OIT3: variants seen among roughly 807,000 people sequenced by gnomAD.
The protein encoded by OIT3 is oncoprotein-induced transcript 3 protein.
OIT3 carries 41 observed loss-of-function variants against 52.2 expected under a neutral mutation model. The observed-to-expected ratio is 0.79, with a 90% CI of 0.61 to 1.02. The LOEUF (loss-of-function observed/expected upper bound fraction) is 1.02, where lower values mean the gene tolerates loss of function less well. OIT3 is among the 50% of genes least tolerant of loss of function. OIT3 has a pLI of 0.00. For missense variants in OIT3, 634 were observed against 715.5 expected, an observed-to-expected ratio of 0.89 and a Z score of 1.30; for synonymous variants, 244 against 276.9, an observed-to-expected ratio of 0.88 and a Z score of 1.18.
At position 72,898,666 on chromosome 10, in the gene OIT3, CT is replaced by C; in HGVS notation, c.65del (p.Leu22GlnfsTer10). 6.2e-7 allele frequency: 1 copy of C among 1,602,252 alleles called. No individual in the cohort carries two copies. Among genetic ancestry groups the C allele is most frequent in the Non-Finnish European group, 8.5e-7 (1 of 1,170,520 alleles). On this transcript the variant is annotated frameshift_variant, in exon 2 of 9. Transcript: ENST00000334011. LOFTEE classifies it high-confidence loss of function. Reference sequence around the variant, plus strand: ...TGAGGTATCTTTTTCATTTCCAGCCCTAGATCCTTGTTCTGCTTACATCAGC... The same window carrying C: ...TGAGGTATCTTTTTCATTTCCAGCCCAGATCCTTGTTCTGCTTACATCAGC... Reference protein sequence around the residue: ...ITGTSVSPVALDPCSAYISLN... With the variant: ...ITGTSVSPVAXDPCSAYISLN...
intron 2 of OIT3, 50 bp downstream of exon 2, chr10:72,899,088 G>A: frequency 6.5e-7 from 1 of 1,532,658 alleles, no homozygotes; most frequent in African/African-American, 1.4e-5. Context: ...GCCACAGGTG[G>A]AGTCCAAAAG....
chr10:72,923,383 C>T (rs1011262916), intron 6 of OIT3, among the ~76,000 whole-genome samples: 1 of 152,146 alleles, frequency 6.6e-6, no homozygotes, highest in Non-Finnish European at 1.5e-5. Context: ...CCTTAACATA[C>T]CTGTAGATGG....
Position 72,906,630 on chromosome 10 carries a change from C to T in OIT3, c.579C>T (p.Cys193=), listed in dbSNP as rs1258853989. 1 of 1,613,750 alleles carries T rather than the reference C, an allele frequency of 6.2e-7. No homozygotes were observed. The highest frequency in any genetic ancestry group is 8.5e-7 in the Non-Finnish European group (1 of 1,179,772). The change falls in exon 4 of 9, where the codon TGC becomes TGT. Residue 193 remains cysteine, a synonymous_variant. Transcript: ENST00000334011. ...AATGTGAGCAAAACAACGGTGGCTG[C>T]AGTGAGATCTGTGTGAACCTCAAAA... is the stretch of plus-strand genomic sequence containing the variant. ...ENECEQNNGG[C]SEICVNLKNS... is the part of the protein sequence containing the mutation.
chr10:72,931,369 T>C (rs1355823189), intron 8 of OIT3, among the ~76,000 whole-genome samples: 1 of 152,174 alleles, frequency 6.6e-6, no homozygotes, highest in African/African-American at 2.4e-5. Context: ...CACACACCTG[T>C]AGTCCTAGCT....
chr10:72,923,813 C>T (rs895934501), intron 6 of OIT3, among the ~76,000 whole-genome samples: 2 of 152,202 alleles, frequency 1.3e-5, no homozygotes, highest in African/African-American at 4.8e-5. Context: ...ACAGTTTGGA[C>T]ACCCCACAGG....
intron 2 of OIT3, 106 bp downstream of exon 2, chr10:72,899,144 C>G: frequency 3.1e-6 from 3 of 979,164 alleles, no homozygotes; most frequent in Non-Finnish European, 4.6e-6. Context: ...ATATCTCAAT[C>G]TGAACAACAT....
In OIT3 at chr10:72,898,120, CA is replaced by C. The variant is rs59034984; in HGVS notation, c.62-527del. 8.1e-3 allele frequency among the ~76,000 whole-genome samples: 1,075 copies of C among 132,460 alleles called. 2 individuals are homozygous for C. Among genetic ancestry groups the C allele is most frequent in the African/African-American group, 0.013 (483 of 36,268 alleles). The allele number at this position is 132,460 out of a possible 152,430, so 86.9% of individuals were successfully genotyped here. A position where few individuals can be genotyped will look rare whatever the true frequency, so the allele number is the denominator to read the frequency against. Reference sequence around the variant, plus strand: ...CAAGATGCCAAAACCCTATCTCTACCAAAAAAAAAAAAAAAAATTAGCCAGG... The same window carrying C: ...CAAGATGCCAAAACCCTATCTCTACCAAAAAAAAAAAAAAAATTAGCCAGG... On this transcript the variant is annotated intron_variant, in intron 1 of 8. Transcript: ENST00000334011.
intron 4 of OIT3, among the ~76,000 whole-genome samples, chr10:72,908,691 G>A (rs985098171): frequency 1.6e-4 from 24 of 152,076 alleles, no homozygotes; most frequent in African/African-American, 5.1e-4. Context: ...AAAAACATTT[G>A]TAATTATTTA....
intron 6 of OIT3, among the ~76,000 whole-genome samples, chr10:72,916,702 C>T (rs1244049443): frequency 3.3e-5 from 5 of 152,112 alleles, no homozygotes; most frequent in Admixed American, 3.3e-4. Flanking sequence ...CCAGTAATGG[C>T]ATTGCTAGGT....
intron 1 of OIT3, 60 bp downstream of exon 1, chr10:72,893,919 T>G (rs1845851781): frequency 4.0e-6 from 5 of 1,245,370 alleles, no homozygotes; most frequent in Admixed American, 4.1e-5. Flanking sequence ...TTTGCTATAA[T>G]GTACAGATGA....
At chr10:72,908,179 G>T (rs1845997238) in intron 4 of OIT3, among the ~76,000 whole-genome samples, 1 of 152,096 alleles carries the variant, frequency 6.6e-6, no homozygotes, top group Admixed American at 6.6e-5. Flanking sequence ...GGAGGTGGAG[G>T]TTGCAGTGAG....
chr10:72,899,312 T>C (rs1016859308), intron 2 of OIT3, among the ~76,000 whole-genome samples: 2 of 152,046 alleles, frequency 1.3e-5, no homozygotes, highest in Admixed American at 6.6e-5. Context: ...AAATGAAACA[T>C]TGGGCCAGGC....
chr10:72,912,263 CTTTTTTTTCTTT>C (rs1846035514), intron 5 of OIT3, among the ~76,000 whole-genome samples: 1 of 127,856 alleles, frequency 7.8e-6, no homozygotes, highest in Non-Finnish European at 1.5e-5. Flanking sequence ...AAATCTAATT[CTTTTTTTTCTTT>C]TTTTTTTTTT....
At chr10:72,897,720 G>T (rs1167497336) in intron 1 of OIT3, among the ~76,000 whole-genome samples, 3 of 152,084 alleles carry the variant, frequency 2.0e-5, no homozygotes, top group Non-Finnish European at 4.4e-5. Context: ...AATTTCCAAG[G>T]ATTGGAAGCT....
rs371506504 is a variant in OIT3, at chr10:72,930,476, AGATT to A, written c.1368-60_1368-57del. ...TCTCCTTGGGCCAAAATGTTGGGTT[AGATT>A]GTTTTTCCACCTCTGTTGAAACAAT... On this transcript the variant is annotated intron_variant, in intron 7 of 8. Coordinates refer to ENST00000334011, the MANE Select transcript of OIT3 (RefSeq NM_152635.3). 25 of 1,232,678 alleles carry A rather than the reference AGATT, an allele frequency of 2.0e-5. No homozygotes were observed. The African/African-American group carries it at 2.8e-4, about 14-fold the overall frequency. The allele number at this position is 1,232,678 out of a possible 1,614,324, so 76.4% of individuals were successfully genotyped here. A position where few individuals can be genotyped will look rare whatever the true frequency, so the allele number is the denominator to read the frequency against.
At chr10:72,916,967 G>A (rs1846078375) in intron 6 of OIT3, among the ~76,000 whole-genome samples, 2 of 152,056 alleles carry the variant, frequency 1.3e-5, no homozygotes, top group South Asian at 4.1e-4. Context: ...TTGGCCACAT[G>A]TATGTCTTCT....
At chr10:72,915,071 G>A (rs960991256) in intron 6 of OIT3, among the ~76,000 whole-genome samples, 5 of 152,052 alleles carry the variant, frequency 3.3e-5, no homozygotes, top group Non-Finnish European at 7.4e-5. Context: ...TCACCATGTT[G>A]GTCAGGCTGG....
At chr10:72,919,159 C>T (rs1043676102) in intron 6 of OIT3, among the ~76,000 whole-genome samples, 5 of 151,762 alleles carry the variant, frequency 3.3e-5, no homozygotes, top group African/African-American at 1.2e-4. Flanking sequence ...TTTTAGAGAT[C>T]TTTCACTTCT....
At chr10:72,900,521 G>A (rs1196761857) in intron 3 of OIT3, 37 bp downstream of exon 3, 1 of 1,149,420 alleles carries the variant, frequency 8.7e-7, no homozygotes, top group Non-Finnish European at 1.3e-6. Flanking sequence ...AGGCTATTAG[G>A]ATCGAAAGGA....
Sources: allele counts gnomAD v4.1 joint callset (sites outside exome capture counted in the v4.1 genomes callset), GRCh38; gene constraint gnomAD v4.1.1; transcripts MANE v1.5; gene names NCBI Gene and HGNC (gene_info 2026-07-23, HGNC 2026-07-21).